Variants in LOC400499 observed in about 807,000 individuals in gnomAD.
At chr16:11,520,022 G>A in the LOC400499 span, among the ~76,000 whole-genome samples, 1 of 152,078 alleles carries the variant, frequency 6.6e-6, no homozygotes, top group African/African-American at 2.4e-5. Context: ...CCACTTATAT[G>A]AGGTACCTAA....
At chr16:11,386,817 A>G in the LOC400499 span, among the ~76,000 whole-genome samples, 3 of 152,254 alleles carry the variant, frequency 2.0e-5, no homozygotes, top group Admixed American at 6.5e-5. Flanking sequence ...GTCTGAAGTC[A>G]GTCAGTTCTC....
At chr16:11,456,241 C>T in the LOC400499 span, among the ~76,000 whole-genome samples, 1 of 152,168 alleles carries the variant, frequency 6.6e-6, no homozygotes, top group African/African-American at 2.4e-5. Flanking sequence ...GATGGGGTTT[C>T]ACCATGTTGG....
At chr16:11,446,070 C>A in the LOC400499 span, among the ~76,000 whole-genome samples, 1 of 152,092 alleles carries the variant, frequency 6.6e-6, no homozygotes, top group Non-Finnish European at 1.5e-5. Flanking sequence ...GGTGATCTGC[C>A]CGCCTTGGCC....
the LOC400499 span, chr16:11,392,797 A>G: frequency 1.0e-6 from 1 of 983,864 alleles, no homozygotes; most frequent in African/African-American, 1.8e-5. Flanking sequence ...GCTCACTCCC[A>G]GCAGCTGAGA....
the LOC400499 span, among the ~76,000 whole-genome samples, chr16:11,518,594 C>T: frequency 6.6e-5 from 10 of 152,208 alleles, no homozygotes; most frequent in South Asian, 6.2e-4. Flanking sequence ...GGCAGAACTA[C>T]GGGATGAGTT....
the LOC400499 span, among the ~76,000 whole-genome samples, chr16:11,515,039 C>A: frequency 5.3e-5 from 8 of 152,120 alleles, no homozygotes; most frequent in Non-Finnish European, 1.0e-4. Flanking sequence ...GGCGTGGTGG[C>A]TCATTCCCGT....
At chr16:11,453,995 G>T in the LOC400499 span, among the ~76,000 whole-genome samples, 1 of 152,104 alleles carries the variant, frequency 6.6e-6, no homozygotes, top group East Asian at 1.9e-4. Flanking sequence ...AACACCCTAT[G>T]CTAAGGACCC....
At chr16:11,373,305 G>GCCCTTCTATCCCTTCTAT in the LOC400499 span, among the ~76,000 whole-genome samples, 1 of 152,174 alleles carries the variant, frequency 6.6e-6, no homozygotes, top group Non-Finnish European at 1.5e-5. Context: ...CAAAGGAAGT[G>GCCCTTCTATCCCTTCTAT]CCCTTCTATC....
chr16:11,486,079 T>G, the LOC400499 span, among the ~76,000 whole-genome samples: 793 of 128,804 alleles, frequency 6.2e-3, 5 homozygotes, highest in Middle Eastern at 0.011. Context: ...TGGATGGATG[T>G]ATGGATGGAT....
chr16:11,446,369 A>G, the LOC400499 span, among the ~76,000 whole-genome samples: 2 of 151,968 alleles, frequency 1.3e-5, no homozygotes, highest in African/African-American at 2.4e-5. Context: ...TGTCGCCCAG[A>G]TGGATCTCAA....
At chr16:11,407,144 T>G in the LOC400499 span, 1 of 398,646 alleles carries the variant, frequency 2.5e-6, no homozygotes, top group Admixed American at 4.4e-5. Flanking sequence ...CTCAAAGGGC[T>G]GTCCCAGAGG....
the LOC400499 span, among the ~76,000 whole-genome samples, chr16:11,504,996 G>A: frequency 6.6e-6 from 1 of 152,122 alleles, no homozygotes; most frequent in Non-Finnish European, 1.5e-5. Context: ...TCCAGCAACT[G>A]GTCTAAGCTG....
the LOC400499 span, chr16:11,477,677 T>A: frequency 1.0e-5 from 4 of 393,762 alleles, no homozygotes; most frequent in African/African-American, 8.2e-5. Context: ...CCACCCAGCA[T>A]CTCTGCACAC....
the LOC400499 span, among the ~76,000 whole-genome samples, chr16:11,455,793 G>A: frequency 6.6e-6 from 1 of 150,582 alleles, no homozygotes; most frequent in Non-Finnish European, 1.5e-5. Context: ...AGGCAGATGT[G>A]ACAAAGAGGA....
At chr16:11,407,977 T>TTTTTTTTGTTTTG in the LOC400499 span, among the ~76,000 whole-genome samples, 1 of 137,534 alleles carries the variant, frequency 7.3e-6, no homozygotes, top group African/African-American at 2.8e-5. Context: ...GCTGTTTTTT[T>TTTTTTTTGTTTTG]TTTTTTTTTT....
the LOC400499 span, chr16:11,494,755 C>A: frequency 3.8e-5 from 15 of 399,096 alleles, no homozygotes; most frequent in Non-Finnish European, 6.2e-5. Flanking sequence ...GGGTCTGGAG[C>A]AGTGGCTGGG....
At chr16:11,487,447 T>G in the LOC400499 span, 1 of 398,318 alleles carries the variant, frequency 2.5e-6, no homozygotes, top group African/African-American at 2.1e-5. Flanking sequence ...GTCTGGCTAT[T>G]ACCACAGGGC....
the LOC400499 span, chr16:11,446,743 C>T: frequency 6.5e-7 from 1 of 1,535,542 alleles, no homozygotes; most frequent in Non-Finnish European, 8.7e-7. Context: ...CCCAGACACA[C>T]TCACGTAGGG....
At chr16:11,439,927 TA>T in the LOC400499 span, among the ~76,000 whole-genome samples, 1 of 152,048 alleles carries the variant, frequency 6.6e-6, no homozygotes, top group Non-Finnish European at 1.5e-5. Context: ...CCACCTCATT[TA>T]ATCCTCAGCA....
Sources: gnomAD v4.1 joint callset for allele counts (sites outside exome capture counted in the v4.1 genomes callset) on GRCh38, gnomAD v4.1.1 for gene constraint, MANE v1.5 for transcripts.